The following DPP10 variants were observed in gnomAD, a reference collection of about 807,000 sequenced individuals.
DPP10 encodes the protein dipeptidyl peptidase like 10.
DPP10 carries 33 observed loss-of-function variants against 120.9 expected under a neutral mutation model. That is an observed-to-expected ratio of 0.27 (90% CI 0.21 to 0.37). The LOEUF (loss-of-function observed/expected upper bound fraction) is 0.37, where lower values mean the gene tolerates loss of function less well. DPP10 is among the 10% of genes least tolerant of loss of function. The pLI is 1.00. For missense variants in DPP10, 816 were observed against 942.8 expected (o/e 0.87, Z 1.76); for synonymous variants, 337 against 326.1 (o/e 1.03, Z -0.36).
At chr2:115,577,738 A>G (rs559834809) in intron 5 of DPP10, among the ~76,000 whole-genome samples, 1 of 152,060 alleles carries the variant, frequency 6.6e-6, no homozygotes, top group African/African-American at 2.4e-5. Context: ...GTAGATGGCC[A>G]TTTTCTCCTT....
chr2:114,554,315 G>T (rs1688117537), intron 1 of DPP10, among the ~76,000 whole-genome samples: 1 of 152,186 alleles, frequency 6.6e-6, no homozygotes, highest in Non-Finnish European at 1.5e-5. Flanking sequence ...CAGGTGCAGG[G>T]GATGGCAAGA....
At chr2:115,768,467 C>A in intron 13 of DPP10, 63 bp downstream of exon 13, 1 of 1,442,864 alleles carries the variant, frequency 6.9e-7, no homozygotes. Flanking sequence ...AGGCCCAGTT[C>A]TTGTGGCATT....
At chr2:115,636,437 T>C (rs900734125) in intron 5 of DPP10, among the ~76,000 whole-genome samples, 1 of 152,200 alleles carries the variant, frequency 6.6e-6, no homozygotes, top group Non-Finnish European at 1.5e-5. Flanking sequence ...TGTTTATTTT[T>C]CTCAGGTGTG....
intron 4 of DPP10, 110 bp from the exon 5 acceptor site, chr2:115,525,783 AGAAAT>A: frequency 1.4e-6 from 1 of 701,028 alleles, no homozygotes; most frequent in African/African-American, 1.8e-5. Context: ...ACAATATAAA[AGAAAT>A]GAGAATGCCA....
chr2:114,784,108 A>G (rs1472257228), intron 1 of DPP10, among the ~76,000 whole-genome samples: 1 of 152,034 alleles, frequency 6.6e-6, no homozygotes, highest in African/African-American at 2.4e-5. Context: ...CTGATGTGAA[A>G]AATCTGAAAT....
At chr2:115,088,139 G>C (rs965146243) in intron 1 of DPP10, among the ~76,000 whole-genome samples, 2 of 151,998 alleles carry the variant, frequency 1.3e-5, no homozygotes, top group African/African-American at 4.8e-5. Context: ...CTTTTATAAG[G>C]GCACTAATCC....
intron 1 of DPP10, among the ~76,000 whole-genome samples, chr2:115,239,261 C>G (rs1421562958): frequency 1.3e-5 from 2 of 152,174 alleles, no homozygotes; most frequent in African/African-American, 4.8e-5. Flanking sequence ...AGGGTAGACT[C>G]TAATCTTGAA....
intron 1 of DPP10, among the ~76,000 whole-genome samples, chr2:114,842,118 C>T (rs1688205452): frequency 6.6e-6 from 1 of 152,066 alleles, no homozygotes; most frequent in Non-Finnish European, 1.5e-5. Context: ...CATATTGTCA[C>T]CTAGAGCATA....
chr2:115,497,303 G>C (rs1010244388), intron 3 of DPP10, among the ~76,000 whole-genome samples: 3 of 152,040 alleles, frequency 2.0e-5, no homozygotes, highest in Non-Finnish European at 4.4e-5. Flanking sequence ...TTGTTTCAAG[G>C]TTAAACTATA....
chr2:115,842,401 A>G lies in DPP10; in HGVS notation c.*56A>G. On this transcript the variant is annotated 3_prime_UTR_variant, in exon 26 of 26. Coordinates refer to ENST00000410059, the MANE Select transcript of DPP10 (RefSeq NM_020868.6). ...TATTGAGGCTCAATGAAACCTGACAAAGAGACTGTAATATTGTAGTTGCTC... is the reference window on the plus strand; with the variant it reads ...TATTGAGGCTCAATGAAACCTGACAGAGAGACTGTAATATTGTAGTTGCTC... The G allele has an allele frequency of 1.3e-6, 2 of 1,562,764 alleles. No individual in the cohort carries two copies. The highest frequency in any genetic ancestry group is 1.2e-5 in the South Asian group (1 of 84,832).
At chr2:114,576,948 A>G (rs1439985093) in intron 1 of DPP10, among the ~76,000 whole-genome samples, 4 of 152,146 alleles carry the variant, frequency 2.6e-5, no homozygotes, top group Non-Finnish European at 2.9e-5. Context: ...GACAAGAGGA[A>G]GGCAAGAAGA....
At chr2:115,319,369 C>G (rs879887628) in intron 2 of DPP10, among the ~76,000 whole-genome samples, 8 of 152,038 alleles carry the variant, frequency 5.3e-5, no homozygotes, top group Non-Finnish European at 1.2e-4. Context: ...CTTGTGCTAT[C>G]TTTGTCTAGG....
chr2:115,840,854 C>G, intron 25 of DPP10, 31 bp downstream of exon 25: 1 of 1,588,004 alleles, frequency 6.3e-7, no homozygotes, highest in Non-Finnish European at 8.6e-7. Context: ...AACGTGTTTT[C>G]CTGCTGTGTT....
At chr2:115,631,805 T>A (rs1206677540) in intron 5 of DPP10, among the ~76,000 whole-genome samples, 1 of 152,166 alleles carries the variant, frequency 6.6e-6, no homozygotes, top group Non-Finnish European at 1.5e-5. Context: ...TTCTTTTGCA[T>A]TTGCTGAGGA....
At chr2:114,521,008 T>A (rs915387611) in intron 1 of DPP10, among the ~76,000 whole-genome samples, 1 of 152,090 alleles carries the variant, frequency 6.6e-6, no homozygotes, top group African/African-American at 2.4e-5. Flanking sequence ...AGAGAGAACT[T>A]TCCTTATTCC....
At chr2:114,557,210 G>A (rs1688397473) in intron 1 of DPP10, among the ~76,000 whole-genome samples, 1 of 152,082 alleles carries the variant, frequency 6.6e-6, no homozygotes, top group Non-Finnish European at 1.5e-5. Context: ...GCAAGAACGA[G>A]AGTGGGGAAG....
chr2:115,197,323 C>T (rs1475198761), intron 1 of DPP10, among the ~76,000 whole-genome samples: 7 of 149,650 alleles, frequency 4.7e-5, no homozygotes, highest in African/African-American at 1.5e-4. Flanking sequence ...ACCTGGGAGG[C>T]GGAGGTTGCA....
At chr2:114,931,456 G>A (rs1173853266) in intron 1 of DPP10, among the ~76,000 whole-genome samples, 2 of 152,140 alleles carry the variant, frequency 1.3e-5, no homozygotes, top group Non-Finnish European at 2.9e-5. Flanking sequence ...CAGTTCTCAT[G>A]GGCACTAATA....
At chr2:115,028,730 C>T (rs1252817509) in intron 1 of DPP10, among the ~76,000 whole-genome samples, 1 of 152,060 alleles carries the variant, frequency 6.6e-6, no homozygotes, top group Admixed American at 6.6e-5. Context: ...TTTGTACACA[C>T]GGATGCTCCT....
Sources: allele counts gnomAD v4.1 joint callset (sites outside exome capture counted in the v4.1 genomes callset), GRCh38; gene constraint gnomAD v4.1.1; transcripts MANE v1.5; gene names NCBI Gene and HGNC (gene_info 2026-07-23, HGNC 2026-07-21).